Variants in TLN2 observed in about 807,000 individuals in gnomAD.
The protein encoded by TLN2 is talin-2.
A neutral mutation model predicts 294.7 loss-of-function variants in TLN2; 118 were observed. The observed-to-expected ratio is 0.40, with a 90% CI of 0.34 to 0.47. TLN2 has a LOEUF of 0.47. Ranked by LOEUF, TLN2 falls within the 20% of genes least tolerant of loss-of-function variation. The pLI is 0.84. For synonymous variants in TLN2, 1,431 were observed against 1,304.5 expected, an observed-to-expected ratio of 1.10 and a Z score of -2.09; for missense variants, 3,083 against 3,282.2, an observed-to-expected ratio of 0.94 and a Z score of 1.48.
At chr15:62,756,001 T>C (rs1029841301) in intron 37 of TLN2, among the ~76,000 whole-genome samples, 1 of 152,212 alleles carries the variant, frequency 6.6e-6, no homozygotes, top group African/African-American at 2.4e-5. Context: ...CTCTTAGCAC[T>C]GTGCTTGCGT....
At chr15:62,792,617 C>T in intron 45 of TLN2, 24 bp from the exon 46 acceptor site, 2 of 1,608,582 alleles carry the variant, frequency 1.2e-6, no homozygotes, top group Non-Finnish European at 8.5e-7. Flanking sequence ...CTTCTCCTTC[C>T]CCATCCTGGG....
intron 3 of TLN2, among the ~76,000 whole-genome samples, chr15:62,621,192 G>A (rs1025346267): frequency 2.0e-5 from 3 of 152,098 alleles, no homozygotes; most frequent in African/African-American, 7.2e-5. Context: ...CTGTGTCTCT[G>A]AAGTATTATA....
intron 3 of TLN2, among the ~76,000 whole-genome samples, chr15:62,633,170 T>C (rs1271681797): frequency 6.6e-6 from 1 of 152,234 alleles, no homozygotes; most frequent in East Asian, 1.9e-4. Flanking sequence ...GCACGGGCCC[T>C]GGAGGCAGAT....
intron 28 of TLN2, among the ~76,000 whole-genome samples, chr15:62,728,067 A>G (rs533400151): frequency 1.3e-5 from 2 of 152,336 alleles, no homozygotes; most frequent in South Asian, 2.1e-4. Context: ...AGAAGCCACT[A>G]CCAGGATCGA....
At chr15:62,800,632 T>A in intron 49 of TLN2, 21 bp from the exon 50 acceptor site, 1 of 1,613,590 alleles carries the variant, frequency 6.2e-7, no homozygotes. Context: ...CTATCTGTAT[T>A]CATTCTCCCT....
Position 62,717,642 on chromosome 15 carries a change from T to A in TLN2, c.2830T>A (p.Ser944Thr). 1.2e-6 allele frequency: 2 copies of A among 1,605,674 alleles called. No homozygotes were observed. Among genetic ancestry groups the A allele is most frequent in the Non-Finnish European group, 1.7e-6 (2 of 1,176,646 alleles). The change falls in exon 24 of 59, where the codon TCC (serine) becomes ACC (threonine). Residue 944 changes from serine (S) to threonine (T), a missense_variant. Ser to Thr is a moderately conservative substitution (Grantham distance 58, BLOSUM62 1). Transcript: ENST00000636159. ...CGCCGCCTCCCAGAATGCAGCTGTT[T>A]CCAACAAGAACCCTGCGGCCCAGCA... is the stretch of plus-strand genomic sequence containing the variant. ...TIAASQNAAV[S>T]NKNPAAQQQL...
chr15:62,532,053 C>CTTT (rs68187150), intron 1 of TLN2, among the ~76,000 whole-genome samples: 3 of 144,804 alleles, frequency 2.1e-5, no homozygotes, highest in African/African-American at 7.6e-5. Flanking sequence ...TTTCTCTTTT[C>CTTT]TTTTTTTTTT....
chr15:62,734,753 T>C (rs569338328), intron 28 of TLN2, among the ~76,000 whole-genome samples: 29 of 152,356 alleles, frequency 1.9e-4, no homozygotes, highest in African/African-American at 6.5e-4. Flanking sequence ...TAGTTTTATA[T>C]CCCAGCTGTG....
chr15:62,613,156 T>C (rs1366959349), intron 2 of TLN2, among the ~76,000 whole-genome samples: 1 of 152,204 alleles, frequency 6.6e-6, no homozygotes, highest in African/African-American at 2.4e-5. Flanking sequence ...TCAATTTTAG[T>C]ATCTACCCTT....
chr15:62,798,823 C>G (rs1303012106), intron 48 of TLN2, among the ~76,000 whole-genome samples: 1 of 152,202 alleles, frequency 6.6e-6, no homozygotes, highest in Non-Finnish European at 1.5e-5. Flanking sequence ...CTTATGCTAC[C>G]ATTTCATCCT....
chr15:62,742,776 G>A (rs2061414106), intron 32 of TLN2, among the ~76,000 whole-genome samples: 1 of 152,132 alleles, frequency 6.6e-6, no homozygotes, highest in South Asian at 2.1e-4. Context: ...GCGAGAAAAC[G>A]CTGGCACATT....
At position 62,514,168 on chromosome 15, in the gene TLN2, A is replaced by T. The variant is rs149293065; in HGVS notation, c.-237-75519A>T. On this transcript the variant is annotated intron_variant, in intron 1 of 58. Coordinates refer to ENST00000636159, the MANE Select transcript of TLN2 (RefSeq NM_015059.3). ...ACTAGCCTAGTATGCGAACACCTCC[A>T]GCTTTTTTAGTTCTTGTTGGTAATT... is the stretch of plus-strand genomic sequence containing the variant. Among the ~76,000 whole-genome samples the T allele has an allele frequency of 2.4e-3, 363 of 152,322 alleles. 1 individual carries two copies. The highest frequency in any genetic ancestry group is 8.4e-3 in the African/African-American group (350 of 41,570).
intron 33 of TLN2, among the ~76,000 whole-genome samples, chr15:62,749,703 T>C (rs562369598): frequency 1.1e-4 from 17 of 152,282 alleles, no homozygotes; most frequent in African/African-American, 4.1e-4. Context: ...TCTCACTCTC[T>C]GGGGAGGAGG....
At chr15:62,582,219 C>CAT (rs1555435622) in intron 1 of TLN2, among the ~76,000 whole-genome samples, 5 of 135,312 alleles carry the variant, frequency 3.7e-5, no homozygotes, top group South Asian at 2.7e-4. Context: ...CACACACACA[C>CAT]ACACACACAC....
At chr15:62,748,484 AGTGTCT>A (rs765276202) in intron 33 of TLN2, 40 bp downstream of exon 33, 2 of 1,474,070 alleles carry the variant, frequency 1.4e-6, no homozygotes, top group Non-Finnish European at 9.5e-7. Flanking sequence ...TGAGAGAGGG[AGTGTCT>A]GTGTCTGTGT....
Position 62,708,367 on chromosome 15 carries a change from A to G in TLN2, c.2173-135A>G, listed in dbSNP as rs116277682. 7.0e-3 allele frequency: 5,853 copies of G among 840,694 alleles called. 176 individuals carry two copies. Among genetic ancestry groups the G allele is most frequent in the South Asian group, 0.051 (3,094 of 60,968 alleles). The allele number at this position is 840,694 out of a possible 1,614,324, so 52.1% of individuals were successfully genotyped here. On this transcript the variant is annotated intron_variant, in intron 20 of 58. Transcript: ENST00000636159. The stretch of plus-strand genomic sequence containing the variant: ...ATTGAATGAAATGGTCAGGTAAGTA[A>G]GAAACCGAGCAGTGGTCCTGTAAGT...
At chr15:62,668,004 CAAAG>C (rs1335561803) in intron 9 of TLN2, among the ~76,000 whole-genome samples, 2 of 151,918 alleles carry the variant, frequency 1.3e-5, no homozygotes, top group African/African-American at 2.4e-5. Context: ...TAAAACATAA[CAAAG>C]AACTCAAATA....
At chr15:62,390,964 GT>G (rs995566941) in intron 1 of TLN2, among the ~76,000 whole-genome samples, 1 of 152,252 alleles carries the variant, frequency 6.6e-6, no homozygotes, top group Non-Finnish European at 1.5e-5. Flanking sequence ...GGGCGCAGCG[GT>G]TTGCAAACAG....
chr15:62,481,225 T>C (rs2038072198), intron 1 of TLN2, among the ~76,000 whole-genome samples: 1 of 151,996 alleles, frequency 6.6e-6, no homozygotes, highest in Admixed American at 6.6e-5. Context: ...TTTTTTCTTT[T>C]TTTTTTCTCT....
Sources: allele counts gnomAD v4.1 joint callset (sites outside exome capture counted in the v4.1 genomes callset), GRCh38; gene constraint gnomAD v4.1.1; transcripts MANE v1.5; gene names NCBI Gene and HGNC (gene_info 2026-07-23, HGNC 2026-07-21).